FNDC3B: variants seen among roughly 807,000 people sequenced by gnomAD.
FNDC3B encodes the protein fibronectin type III domain containing 3B.
A neutral mutation model predicts 151.5 loss-of-function variants in FNDC3B; 12 were observed. The observed-to-expected ratio is 0.08, with a 90% CI of 0.05 to 0.13. FNDC3B has a LOEUF of 0.13. FNDC3B is among the 10% of genes least tolerant of loss of function. The pLI, the probability that FNDC3B is intolerant of heterozygous loss-of-function variation, is 1.00. For missense variants in FNDC3B, 1,214 were observed against 1,505.3 expected (o/e 0.81, Z 3.20); for synonymous variants, 528 against 549.0 (o/e 0.96, Z 0.54).
At chr3:172,356,872 C>G (rs1012380757) in intron 22 of FNDC3B, among the ~76,000 whole-genome samples, 1 of 152,158 alleles carries the variant, frequency 6.6e-6, no homozygotes, top group Non-Finnish European at 1.5e-5. Context: ...TAGCCCTTTA[C>G]CTGCGGGCCC....
intron 4 of FNDC3B, among the ~76,000 whole-genome samples, chr3:172,229,508 C>T (rs577550212): frequency 6.6e-6 from 1 of 152,232 alleles, no homozygotes; most frequent in Non-Finnish European, 1.5e-5. Flanking sequence ...TTTTTGGTGC[C>T]CCTCCTCAAT....
intron 1 of FNDC3B, among the ~76,000 whole-genome samples, chr3:172,082,697 G>A (rs892756259): frequency 6.6e-6 from 1 of 152,192 alleles, no homozygotes; most frequent in African/African-American, 2.4e-5. Flanking sequence ...CTCTTGCTTT[G>A]TGGGTAAACA....
chr3:172,133,431 G>C (rs1489343432), intron 2 of FNDC3B, 40 bp from the exon 3 acceptor site: 3 of 1,462,858 alleles, frequency 2.1e-6, no homozygotes, highest in Non-Finnish European at 2.9e-6. Flanking sequence ...AATCCCAGAG[G>C]TTCCAGTATT....
chr3:172,254,120 C>T (rs78622808), intron 6 of FNDC3B, among the ~76,000 whole-genome samples: 1 of 152,110 alleles, frequency 6.6e-6, no homozygotes, highest in African/African-American at 2.4e-5. Flanking sequence ...AAAAACAAAT[C>T]TTTAAAAAAA....
At chr3:172,372,523 C>T (rs1181674000) in intron 23 of FNDC3B, among the ~76,000 whole-genome samples, 1 of 152,100 alleles carries the variant, frequency 6.6e-6, no homozygotes, top group African/African-American at 2.4e-5. Context: ...ATGAAAATAA[C>T]AAAGTGAGCA....
intron 1 of FNDC3B, among the ~76,000 whole-genome samples, chr3:172,078,324 G>A (rs1718122842): frequency 6.6e-6 from 1 of 152,142 alleles, no homozygotes. Context: ...CTTTTCTTTC[G>A]ACTTGTTGTT....
In FNDC3B at chr3:172,378,257, C is replaced by T. The variant is rs772865637; in HGVS notation, c.3009-13C>T. The T allele has an allele frequency of 6.4e-7, 1 of 1,565,520 alleles. No individual in the cohort carries two copies. On this transcript the variant is annotated splice_polypyrimidine_tract_variant and intron_variant, in intron 23 of 25. Transcript: ENST00000415807. ...ACGTTCAGATGGCTAATTGATTCTG[C>T]TCCTTCTTCTAGGTTTATTTCAATC...
At chr3:172,082,719 A>G (rs900023132) in intron 1 of FNDC3B, among the ~76,000 whole-genome samples, 4 of 152,206 alleles carry the variant, frequency 2.6e-5, no homozygotes, top group African/African-American at 9.6e-5. Context: ...ATTCAGGCCC[A>G]GAGAAGTTTG....
intron 1 of FNDC3B, among the ~76,000 whole-genome samples, chr3:172,106,749 G>A (rs534250565): frequency 2.0e-5 from 3 of 152,242 alleles, no homozygotes; most frequent in East Asian, 3.9e-4. Flanking sequence ...TCTCTTCTGC[G>A]AATCGTTGTT....
intron 25 of FNDC3B, among the ~76,000 whole-genome samples, chr3:172,389,111 C>T (rs1157326882): frequency 3.9e-5 from 6 of 152,126 alleles, no homozygotes; most frequent in Non-Finnish European, 7.3e-5. Context: ...TTTTGGATCT[C>T]ATATTTTAGT....
At chr3:172,095,564 C>G (rs574092936) in intron 1 of FNDC3B, among the ~76,000 whole-genome samples, 9 of 152,256 alleles carry the variant, frequency 5.9e-5, no homozygotes, top group African/African-American at 2.2e-4. Context: ...GACCAGATAT[C>G]CATGATCTGT....
At chr3:172,172,762 C>A (rs1050779177) in intron 3 of FNDC3B, among the ~76,000 whole-genome samples, 4 of 152,162 alleles carry the variant, frequency 2.6e-5, no homozygotes, top group Non-Finnish European at 5.9e-5. Context: ...TCGCTCAGGT[C>A]ATCTATTTTC....
At chr3:172,346,574 A>G in intron 20 of FNDC3B, 134 bp downstream of exon 20, 1 of 500,974 alleles carries the variant, frequency 2.0e-6, no homozygotes, top group Non-Finnish European at 3.5e-6. Flanking sequence ...TCTGTGTACT[A>G]TAGTAATCAC....
chr3:172,313,349 T>C (rs907724652), intron 11 of FNDC3B, among the ~76,000 whole-genome samples: 7 of 152,226 alleles, frequency 4.6e-5, no homozygotes, highest in Non-Finnish European at 7.3e-5. Context: ...AGTTTTATGC[T>C]GGGCAGCTTG....
chr3:172,364,576 A>G (rs1363987377), intron 23 of FNDC3B, among the ~76,000 whole-genome samples: 2 of 152,220 alleles, frequency 1.3e-5, no homozygotes, highest in Non-Finnish European at 2.9e-5. Context: ...GCAGCCCACT[A>G]GTGCCTCATA....
chr3:172,210,786 C>T (rs1237837007), intron 3 of FNDC3B, among the ~76,000 whole-genome samples: 1 of 152,192 alleles, frequency 6.6e-6, no homozygotes, highest in African/African-American at 2.4e-5. Context: ...TTTAGGGAAG[C>T]AAATATTCTT....
At chr3:172,056,292 AT>A (rs1488506903) in intron 1 of FNDC3B, among the ~76,000 whole-genome samples, 1 of 152,222 alleles carries the variant, frequency 6.6e-6, no homozygotes, top group Non-Finnish European at 1.5e-5. Flanking sequence ...TAGCCAAGAA[AT>A]AATCTTTCAT....
chr3:172,073,566 G>A (rs747154933), intron 1 of FNDC3B, among the ~76,000 whole-genome samples: 9 of 152,166 alleles, frequency 5.9e-5, no homozygotes, highest in Non-Finnish European at 1.3e-4. Flanking sequence ...TTGACTTCTC[G>A]AAAAGACAAT....
At chr3:172,385,432 A>G (rs1341618857) in intron 25 of FNDC3B, among the ~76,000 whole-genome samples, 2 of 152,294 alleles carry the variant, frequency 1.3e-5, no homozygotes, top group African/African-American at 2.4e-5. Context: ...TGTTTCCTGC[A>G]TGCATGAAAG....
Sources: gnomAD v4.1 joint callset for allele counts (sites outside exome capture counted in the v4.1 genomes callset) on GRCh38, gnomAD v4.1.1 for gene constraint, MANE v1.5 for transcripts, NCBI Gene and HGNC (gene_info 2026-07-23, HGNC 2026-07-21) for gene names.